Variants in TRPC7 observed in about 807,000 individuals in gnomAD.
TRPC7 encodes the protein short transient receptor potential channel 7.
A neutral mutation model predicts 90.1 loss-of-function variants in TRPC7; 42 were observed. The observed-to-expected ratio is 0.47, with a 90% CI of 0.36 to 0.60. The LOEUF (loss-of-function observed/expected upper bound fraction) is 0.60, where lower values mean the gene tolerates loss of function less well. Ranked by LOEUF, TRPC7 falls within the 20% of genes least tolerant of loss-of-function variation. The probability of loss-of-function intolerance (pLI) is 0.00; values close to 1 mark genes in which losing one functional copy is unlikely to be tolerated. For synonymous variants in TRPC7, 451 were observed against 436.3 expected (o/e 1.03, Z -0.42); for missense variants, 955 against 1,112.3 (o/e 0.86, Z 2.01).
At chr5:136,305,327 C>T (rs1758578431) in intron 3 of TRPC7, among the ~76,000 whole-genome samples, 1 of 152,184 alleles carries the variant, frequency 6.6e-6, no homozygotes, top group Non-Finnish European at 1.5e-5. Context: ...CGCCACACAC[C>T]AGCAAAGGCA....
At chr5:136,360,886 C>G (rs1395770700) in intron 1 of TRPC7, among the ~76,000 whole-genome samples, 1 of 152,172 alleles carries the variant, frequency 6.6e-6, no homozygotes, top group Non-Finnish European at 1.5e-5. Context: ...ACCCTAATAT[C>G]CCTCTAATGA....
In TRPC7 at chr5:136,350,412, G is replaced by A. The variant is rs142258635; in HGVS notation, c.780+6196C>T. ...AAATAACTGTCACCCAGAGCATACA[G>A]TCTCCCTGTACCTTGGAGGCAGATA... On this transcript the variant is annotated intron_variant, in intron 2 of 11. Coordinates refer to ENST00000513104, the MANE Select transcript of TRPC7 (RefSeq NM_020389.3). Among the ~76,000 whole-genome samples the A allele has an allele frequency of 8.7e-4, 133 of 152,266 alleles. 4 individuals carry two copies. The South Asian group carries it at 0.024, about 28-fold the overall frequency.
chr5:136,364,199 T>TG (rs1760655156), intron 1 of TRPC7, among the ~76,000 whole-genome samples: 3 of 152,248 alleles, frequency 2.0e-5, no homozygotes, highest in Admixed American at 2.0e-4. Context: ...GCAATTAGCC[T>TG]CAATGAGGCT....
At chr5:136,252,575 G>A (rs1304962612) in intron 5 of TRPC7, among the ~76,000 whole-genome samples, 1 of 136,016 alleles carries the variant, frequency 7.4e-6, no homozygotes, top group Admixed American at 8.0e-5. Flanking sequence ...AGCCCTTTTG[G>A]CACCAGGGAC....
intron 2 of TRPC7, among the ~76,000 whole-genome samples, chr5:136,352,598 C>T (rs1447491962): frequency 6.6e-6 from 1 of 151,982 alleles, no homozygotes; most frequent in Non-Finnish European, 1.5e-5. Context: ...CTCTAGGTGC[C>T]TCTACACAGA....
Position 136,213,204 on chromosome 5 carries a change from C to T in TRPC7, c.*231G>A, listed in dbSNP as rs1755149398. ...ACACTCGTCAGGGGGCTGTTCCTCCCCTCCTCCCATGGTAGCTTTTCTTAC... is the reference window on the plus strand; with the variant it reads ...ACACTCGTCAGGGGGCTGTTCCTCCTCTCCTCCCATGGTAGCTTTTCTTAC... On this transcript the variant is annotated 3_prime_UTR_variant, in exon 12 of 12. Coordinates refer to ENST00000513104, the MANE Select transcript of TRPC7 (RefSeq NM_020389.3). 3.7e-6 allele frequency: 2 copies of T among 537,506 alleles called. No homozygotes were observed. The highest frequency in any genetic ancestry group is 4.6e-5 in the South Asian group (2 of 43,788). 33.3% of individuals were successfully genotyped at this position (537,506 alleles called of 1,614,324 possible).
At position 136,257,581 on chromosome 5, in the gene TRPC7, A is replaced by T. The variant is rs910445891; in HGVS notation, c.1346-5699T>A. Among the ~76,000 whole-genome samples the T allele has an allele frequency of 3.3e-5, 5 of 152,118 alleles. No individual in the cohort carries two copies. In the East Asian group the frequency reaches 9.6e-4, roughly 29 times the overall value. ...ATCTGCATATTTGTATCAAATTGGA[A>T]TCCCCACAATAGGAAATATTAAAAA... On this transcript the variant is annotated intron_variant, in intron 5 of 11. Transcript: ENST00000513104.
At chr5:136,265,285 CAA>C (rs1284368439) in intron 5 of TRPC7, among the ~76,000 whole-genome samples, 2 of 152,110 alleles carry the variant, frequency 1.3e-5, no homozygotes, top group Non-Finnish European at 2.9e-5. Flanking sequence ...ATTATTTGAT[CAA>C]GTCTTGATAC....
At chr5:136,213,774 C>A (rs1467402665) in intron 11 of TRPC7, among the ~76,000 whole-genome samples, 170 bp from the exon 12 acceptor site, 1 of 152,160 alleles carries the variant, frequency 6.6e-6, no homozygotes, top group African/African-American at 2.4e-5. Context: ...AACCACCCAG[C>A]TCCCCCACCA....
chr5:136,326,337 T>C (rs1759342831), intron 2 of TRPC7, among the ~76,000 whole-genome samples: 2 of 152,216 alleles, frequency 1.3e-5, no homozygotes, highest in Non-Finnish European at 2.9e-5. Context: ...CATGTATATA[T>C]AGAATCACAT....
At chr5:136,342,232 G>GTA (rs1759867955) in intron 2 of TRPC7, among the ~76,000 whole-genome samples, 4 of 152,178 alleles carry the variant, frequency 2.6e-5, no homozygotes, top group African/African-American at 4.8e-5. Context: ...GTCCCCCCAG[G>GTA]GGCTGGGCTG....
intron 10 of TRPC7, among the ~76,000 whole-genome samples, chr5:136,220,878 A>C (rs1325734961): frequency 6.6e-6 from 1 of 152,062 alleles, no homozygotes; most frequent in Non-Finnish European, 1.5e-5. Flanking sequence ...CAGCTGTAAA[A>C]TTCCTCTCTT....
At chr5:136,219,170 C>T (rs1755371002) in intron 10 of TRPC7, among the ~76,000 whole-genome samples, 1 of 152,134 alleles carries the variant, frequency 6.6e-6, no homozygotes, top group Non-Finnish European at 1.5e-5. Flanking sequence ...ATGGTCATCC[C>T]TTGAAGAAGG....
chr5:136,213,298 G>A lies in TRPC7; in HGVS notation c.*137C>T. 2 of 871,180 alleles carry A rather than the reference G, an allele frequency of 2.3e-6. No homozygotes were observed. The highest frequency in any genetic ancestry group is 2.7e-5 in the East Asian group (1 of 37,594). 54.0% of individuals were successfully genotyped at this position (871,180 alleles called of 1,614,324 possible). Reference sequence around the variant, plus strand: ...GCGGGCTGGAGATGTCAGTCATGCTGCAAGAGACTGAGCCAGGAGATCCCC... The same window carrying A: ...GCGGGCTGGAGATGTCAGTCATGCTACAAGAGACTGAGCCAGGAGATCCCC... On this transcript the variant is annotated 3_prime_UTR_variant, in exon 12 of 12. Transcript: ENST00000513104.
intron 3 of TRPC7, among the ~76,000 whole-genome samples, chr5:136,297,828 TC>T (rs1384886412): frequency 1.3e-5 from 2 of 152,234 alleles, no homozygotes; most frequent in Non-Finnish European, 2.9e-5. Context: ...TGGACTGCTT[TC>T]CTATTCATCT....
At chr5:136,257,990 TG>T (rs2149808722) in intron 5 of TRPC7, among the ~76,000 whole-genome samples, 1 of 152,328 alleles carries the variant, frequency 6.6e-6, no homozygotes, top group South Asian at 2.1e-4. Flanking sequence ...AGTATGACTG[TG>T]GCTAAGTCCC....
At position 136,213,462 on chromosome 5, in the gene TRPC7, C is replaced by T; in HGVS notation, c.2562G>A (p.Leu854=). The T allele has an allele frequency of 1.9e-6, 3 of 1,614,010 alleles. No homozygotes were observed. Among genetic ancestry groups the T allele is most frequent in the Non-Finnish European group, 2.5e-6 (3 of 1,179,890 alleles). Reference sequence around the variant, plus strand: ...AAATGTCTTTGCCCTTGTTCACCCTCAGGTGGTCTTTGTTTAAGTTCTTTC... The same window carrying T: ...AAATGTCTTTGCCCTTGTTCACCCTTAGGTGGTCTTTGTTTAAGTTCTTTC... ...KFGKNLNKDH[L]RVNKGKDI is the part of the protein sequence containing the mutation. The change falls in exon 12 of 12, where the codon CTG becomes CTA. Residue 854 remains leucine (L), a synonymous_variant. Transcript: ENST00000513104.
chr5:136,252,738 A>G (rs1334524449), intron 5 of TRPC7, among the ~76,000 whole-genome samples: 1 of 152,160 alleles, frequency 6.6e-6, no homozygotes, highest in Admixed American at 6.5e-5. Flanking sequence ...AATTTACAAT[A>G]GGGTTTAGGC....
intron 5 of TRPC7, among the ~76,000 whole-genome samples, chr5:136,256,672 C>T (rs1756696500): frequency 6.6e-6 from 1 of 152,242 alleles, no homozygotes; most frequent in African/African-American, 2.4e-5. Flanking sequence ...TCTCTGACCT[C>T]ATAAAGTTTG....
Sources: allele counts gnomAD v4.1 joint callset (sites outside exome capture counted in the v4.1 genomes callset), GRCh38; gene constraint gnomAD v4.1.1; transcripts MANE v1.5; gene names NCBI Gene and HGNC (gene_info 2026-07-23, HGNC 2026-07-21).